DYNC2H1: variants seen among roughly 807,000 people sequenced by gnomAD.
DYNC2H1 encodes cytoplasmic dynein 2 heavy chain 1.
Under a neutral mutation model 570.0 loss-of-function variants are expected in DYNC2H1, and 410 were observed. That is an observed-to-expected ratio of 0.72 (90% CI 0.66 to 0.78). The LOEUF is 0.78. DYNC2H1 is among the 30% of genes least tolerant of loss of function. The pLI is 0.00. For missense variants in DYNC2H1, 4,865 were observed against 5,046.4 expected (o/e 0.96, Z 1.09); for synonymous variants, 1,688 against 1,677.6 (o/e 1.01, Z -0.15).
At chr11:103,220,585 T>C (rs749407808) in intron 56 of DYNC2H1, 38 bp from the exon 57 acceptor site, 3 of 1,540,980 alleles carry the variant, frequency 1.9e-6, no homozygotes, top group South Asian at 2.6e-5. Context: ...TAAAGAAATA[T>C]ATAATTTGAA....
At chr11:103,276,717 G>A (rs1273829691) in intron 70 of DYNC2H1, among the ~76,000 whole-genome samples, 1 of 151,962 alleles carries the variant, frequency 6.6e-6, no homozygotes, top group Admixed American at 6.6e-5. Context: ...GGATTATGCT[G>A]TATATATTTT....
rs1378987780 is a variant in DYNC2H1 at position 103,280,740 on chromosome 11, T to G, written c.10761+327T>G. Among the ~76,000 whole-genome samples the G allele has an allele frequency of 1.3e-5, 2 of 152,076 alleles. No homozygotes were observed. The highest frequency in any genetic ancestry group is 4.8e-5 in the African/African-American group (2 of 41,444). On this transcript the variant is annotated intron_variant, in intron 71 of 88. Coordinates refer to ENST00000375735, the MANE Select transcript of DYNC2H1 (RefSeq NM_001377.3). The surrounding 1 kb of genome is among the most constrained non-coding windows in gnomAD (Gnocchi z 4.7). The stretch of plus-strand genomic sequence containing the variant: ...GGTAGTAGAGCTCATATAGAAAAAG[T>G]GAGACAATATTGGTACAAAACTACA...
At chr11:103,435,431 T>G (rs531487841) in intron 84 of DYNC2H1, among the ~76,000 whole-genome samples, 1 of 152,142 alleles carries the variant, frequency 6.6e-6, no homozygotes, top group Non-Finnish European at 1.5e-5. Context: ...AGGTCAAATA[T>G]TAGATAACTT....
At chr11:103,160,616 G>A (rs1470066323) in intron 28 of DYNC2H1, among the ~76,000 whole-genome samples, 1 of 151,956 alleles carries the variant, frequency 6.6e-6, no homozygotes, top group African/African-American at 2.4e-5. Context: ...CTGGAAAATG[G>A]TAGGAATGAA....
intron 52 of DYNC2H1, among the ~76,000 whole-genome samples, chr11:103,207,243 A>T (rs201034156): frequency 0.08 from 320 of 3,990 alleles, 2 homozygotes; most frequent in Middle Eastern, 0.29. Context: ...TTTTTTTTTT[A>T]AAAAAAGATG....
Position 103,243,914 on chromosome 11 carries a change from AG to A in DYNC2H1, c.9918+124del. ...GTCCTACTGTATGGGACCTTGGGCGAGAGATATAACTCTTAGCTTCAGTTTT... is the reference window on the plus strand; with the variant it reads ...GTCCTACTGTATGGGACCTTGGGCGAAGATATAACTCTTAGCTTCAGTTTT... On this transcript the variant is annotated intron_variant, in intron 64 of 88. Coordinates refer to ENST00000375735, the MANE Select transcript of DYNC2H1 (RefSeq NM_001377.3). The surrounding 1 kb of genome is among the most constrained non-coding windows in gnomAD (Gnocchi z 4.8). 1 of 580,086 alleles carries A rather than the reference AG, an allele frequency of 1.7e-6. No homozygotes were observed. The allele number at this position is 580,086 out of a possible 1,614,324, so 35.9% of individuals were successfully genotyped here. A position where few individuals can be genotyped will look rare whatever the true frequency, so the allele number is the denominator to read the frequency against.
chr11:103,234,005 C>G (rs762226175), intron 60 of DYNC2H1, 29 bp from the exon 61 acceptor site: 16 of 1,534,600 alleles, frequency 1.0e-5, no homozygotes, highest in Non-Finnish European at 1.3e-5. Context: ...ATCCTTTTTG[C>G]TTTTAATTAA....
chr11:103,163,159 T>C lies in DYNC2H1; in HGVS notation c.4611+12T>C. 1.9e-6 allele frequency: 3 copies of C among 1,605,368 alleles called. No individual in the cohort carries two copies. Among genetic ancestry groups the C allele is most frequent in the Non-Finnish European group, 2.6e-6 (3 of 1,175,142 alleles). ...TGTTCCCTTCACAGGTAAGGGGGCT[T>C]ACGTGTAGAAGCTACATAGGCATGG... On this transcript the variant is annotated intron_variant, in intron 30 of 88. Transcript: ENST00000375735. This position sits in a 1 kb window ranked among gnomAD's most constrained non-coding sequence, Gnocchi z 4.6.
At position 103,411,032 on chromosome 11, in the gene DYNC2H1, AGACCAG is replaced by A. The variant is rs77829525; in HGVS notation, c.12366+11166_12366+11171del. 2.5e-3 allele frequency among the ~76,000 whole-genome samples: 385 copies of A among 152,218 alleles called. 4 individuals are homozygous for A. The East Asian group carries it at 0.054, about 21-fold the overall frequency. ...GGGGTGGGGATGCTTGCATGTGTAA[AGACCAG>A]GACCAAACCTATCTGTTTATGGGGT... On this transcript the variant is annotated intron_variant, in intron 84 of 88. Coordinates refer to ENST00000375735, the MANE Select transcript of DYNC2H1 (RefSeq NM_001377.3).
At chr11:103,337,820 C>T (rs1444028438) in intron 82 of DYNC2H1, among the ~76,000 whole-genome samples, 1 of 152,098 alleles carries the variant, frequency 6.6e-6, no homozygotes, top group Admixed American at 6.6e-5. Context: ...ATATTTTCTC[C>T]TGTTCTTCAG....
At chr11:103,179,574 C>G (rs1489030795) in intron 39 of DYNC2H1, among the ~76,000 whole-genome samples, 1 of 151,526 alleles carries the variant, frequency 6.6e-6, no homozygotes, top group Non-Finnish European at 1.5e-5. Context: ...ATATTATGAG[C>G]TAATAATTTA....
chr11:103,136,059 T>A (rs1859522994), intron 17 of DYNC2H1, 111 bp downstream of exon 17: 1 of 899,886 alleles, frequency 1.1e-6, no homozygotes, highest in African/African-American at 1.7e-5. Flanking sequence ...AACATTAAAA[T>A]ATGGCAAAGC....
Position 103,435,703 on chromosome 11 carries a change from T to C in DYNC2H1, c.12367-240T>C, listed in dbSNP as rs72987419. 3.0e-3 allele frequency among the ~76,000 whole-genome samples: 461 copies of C among 152,220 alleles called. 2 individuals are homozygous for C. Among genetic ancestry groups the C allele is most frequent in the Non-Finnish European group, 5.5e-3 (373 of 67,992 alleles). The stretch of plus-strand genomic sequence containing the variant: ...TTGTTTAAGAAAACATGGTTGACTA[T>C]TTTTTATATGCCAGTTTAAGTTCAT... On this transcript the variant is annotated intron_variant, in intron 84 of 88. Transcript: ENST00000375735.
At chr11:103,394,669 A>G (rs937841099) in intron 83 of DYNC2H1, among the ~76,000 whole-genome samples, 1 of 152,088 alleles carries the variant, frequency 6.6e-6, no homozygotes, top group Admixed American at 6.5e-5. Flanking sequence ...TACTGTACCA[A>G]AAGCCAATTA....
chr11:103,453,802 T>A (rs1944694403), intron 85 of DYNC2H1, among the ~76,000 whole-genome samples: 1 of 151,616 alleles, frequency 6.6e-6, no homozygotes, highest in Admixed American at 6.6e-5. Flanking sequence ...ATAATAAAGA[T>A]ACAGTTAAGT....
At chr11:103,142,213 C>G (rs1224317035) in intron 17 of DYNC2H1, among the ~76,000 whole-genome samples, 1 of 152,254 alleles carries the variant, frequency 6.6e-6, no homozygotes, top group Non-Finnish European at 1.5e-5. Flanking sequence ...GCGCTGCACC[C>G]ACTGTCCTGT....
chr11:103,202,216 A>T (rs549583679), intron 50 of DYNC2H1, among the ~76,000 whole-genome samples: 58 of 152,116 alleles, frequency 3.8e-4, no homozygotes, highest in African/African-American at 1.4e-3. Flanking sequence ...ATATTTAAGG[A>T]ATACATTCCT....
intron 55 of DYNC2H1, among the ~76,000 whole-genome samples, chr11:103,218,269 G>A (rs1317141386): frequency 1.3e-5 from 2 of 152,142 alleles, no homozygotes; most frequent in African/African-American, 2.4e-5. Context: ...TTACACTTAA[G>A]CGAAAACAGC....
chr11:103,173,184 A>G lies in DYNC2H1; in HGVS notation c.5437A>G (p.Arg1813Gly). ...GCCTGATAATCTTAAACAGCTTTTC[A>G]GGCCCGTAGCTATGTCTCATCCAGA... ...KLPDNLKQLF[R>G]PVAMSHPDNE... Residue 1813 changes from arginine to glycine, a missense_variant, in exon 35 of 89, where the codon AGG becomes GGG. Arg to Gly is a moderately radical substitution (Grantham distance 125, BLOSUM62 -2). Coordinates refer to ENST00000375735, the MANE Select transcript of DYNC2H1 (RefSeq NM_001377.3). 1 of 1,596,988 alleles carries G rather than the reference A, an allele frequency of 6.3e-7. No homozygotes were observed. The highest frequency in any genetic ancestry group is 8.5e-7 in the Non-Finnish European group (1 of 1,171,748).
Sources: gnomAD v4.1 joint callset for allele counts (sites outside exome capture counted in the v4.1 genomes callset) on GRCh38, gnomAD v4.1.1 for gene constraint, Gnocchi (gnomAD v3.1) non-coding constraint, MANE v1.5 for transcripts, NCBI Gene and HGNC (gene_info 2026-07-23, HGNC 2026-07-21) for gene names.